The following NUBPL variants were observed in gnomAD, a reference collection of about 807,000 sequenced individuals.
NUBPL encodes the protein NUBP iron-sulfur cluster assembly factor, mitochondrial.
NUBPL carries 31 observed loss-of-function variants against 45.7 expected under a neutral mutation model. That is an observed-to-expected ratio of 0.68 (90% CI 0.51 to 0.92). The LOEUF (loss-of-function observed/expected upper bound fraction) is 0.92, where lower values mean the gene tolerates loss of function less well. Ranked by LOEUF, NUBPL falls within the 40% of genes least tolerant of loss-of-function variation. The probability of loss-of-function intolerance (pLI) is 0.00; values close to 1 mark genes in which losing one functional copy is unlikely to be tolerated. For missense variants in NUBPL, 401 were observed against 398.7 expected, an observed-to-expected ratio of 1.01 and a Z score of -0.05; for synonymous variants, 144 against 140.9, an observed-to-expected ratio of 1.02 and a Z score of -0.15.
rs540692734 is a variant in NUBPL at position 31,700,603 on chromosome 14, C to T, written c.513+27029C>T. On this transcript the variant is annotated intron_variant, in intron 6 of 10. Coordinates refer to ENST00000281081, the MANE Select transcript of NUBPL (RefSeq NM_025152.3). ...GGCCCTTGCAGGCCAGCGCGAGTTCCGGGTGGGCGCAGGCTCGGCGGGCCC... is the reference window on the plus strand; with the variant it reads ...GGCCCTTGCAGGCCAGCGCGAGTTCTGGGTGGGCGCAGGCTCGGCGGGCCC... Among the ~76,000 whole-genome samples, 193 of 152,212 alleles carry T rather than the reference C, an allele frequency of 1.3e-3. 1 individual carries two copies. Among genetic ancestry groups the T allele is most frequent in the South Asian group, 1.7e-3 (8 of 4,828 alleles).
chr14:31,642,442 C>A (rs1214746469), intron 4 of NUBPL, among the ~76,000 whole-genome samples: 1 of 152,076 alleles, frequency 6.6e-6, no homozygotes, highest in African/African-American at 2.4e-5. Flanking sequence ...AGGAGACTGT[C>A]CTTTCCACAG....
rs976814979 is a variant in NUBPL at position 31,762,441 on chromosome 14, T to G, written c.514-25339T>G. On this transcript the variant is annotated intron_variant, in intron 6 of 10. Transcript: ENST00000281081. ...TTTGATGGTCATCACTAGACAAATCTTCCTCTTATATGGAAATCATGCCTA... is the reference window on the plus strand; with the variant it reads ...TTTGATGGTCATCACTAGACAAATCGTCCTCTTATATGGAAATCATGCCTA... Among the ~76,000 whole-genome samples, 7 of 152,220 alleles carry G rather than the reference T, an allele frequency of 4.6e-5. 1 individual carries two copies. The highest frequency in any genetic ancestry group is 1.7e-4 in the African/African-American group (7 of 41,464).
chr14:31,638,125 G>T (rs1444891836), intron 4 of NUBPL, among the ~76,000 whole-genome samples: 1 of 151,566 alleles, frequency 6.6e-6, no homozygotes, highest in Non-Finnish European at 1.5e-5. Flanking sequence ...ATTTGATCCT[G>T]TCATTATGAT....
intron 2 of NUBPL, among the ~76,000 whole-genome samples, chr14:31,564,736 CAG>C (rs777639617): frequency 1.4e-4 from 21 of 152,122 alleles, no homozygotes; most frequent in Middle Eastern, 3.4e-3. Flanking sequence ...AAAATTGTAA[CAG>C]AAATGGATTT....
At chr14:31,799,789 G>T (rs1043795073) in intron 7 of NUBPL, among the ~76,000 whole-genome samples, 6 of 152,190 alleles carry the variant, frequency 3.9e-5, no homozygotes, top group African/African-American at 1.4e-4. Context: ...GGTGGCAGTT[G>T]CTGACGGTTG....
chr14:31,567,722 A>G (rs2033474643), intron 3 of NUBPL, among the ~76,000 whole-genome samples: 1 of 152,172 alleles, frequency 6.6e-6, no homozygotes, highest in Non-Finnish European at 1.5e-5. Flanking sequence ...TGTTTTTCTT[A>G]GTGACCTCTG....
intron 4 of NUBPL, among the ~76,000 whole-genome samples, chr14:31,636,390 C>T (rs1450132654): frequency 1.3e-5 from 2 of 152,138 alleles, no homozygotes; most frequent in Admixed American, 6.5e-5. Context: ...TGCTGGATTA[C>T]ATTTATTGAT....
intron 6 of NUBPL, among the ~76,000 whole-genome samples, chr14:31,724,444 G>C (rs902160004): frequency 8.0e-5 from 2 of 25,054 alleles, no homozygotes; most frequent in African/African-American, 3.1e-4. Context: ...TCTTTAGCAG[G>C]TTTTTAAAAA....
intron 8 of NUBPL, among the ~76,000 whole-genome samples, chr14:31,836,772 T>C (rs1043234789): frequency 6.6e-6 from 1 of 152,204 alleles, no homozygotes; most frequent in Non-Finnish European, 1.5e-5. Flanking sequence ...TTTGCATATG[T>C]TAATTAATGA....
chr14:31,687,415 T>A (rs1262374499), intron 6 of NUBPL, among the ~76,000 whole-genome samples: 1 of 152,232 alleles, frequency 6.6e-6, no homozygotes, highest in Admixed American at 6.5e-5. Flanking sequence ...AAGTTAAAAT[T>A]TATCAAAACT....
At chr14:31,687,790 T>G (rs4981880) in intron 6 of NUBPL, among the ~76,000 whole-genome samples, 85,535 of 152,156 alleles carry the variant, frequency 0.56, 26,749 homozygotes, top group African/African-American at 0.86. Context: ...ATGCTGGAAG[T>G]CTCTGAAGAA....
intron 4 of NUBPL, among the ~76,000 whole-genome samples, chr14:31,656,686 C>T (rs1335180189): frequency 6.6e-6 from 1 of 151,956 alleles, no homozygotes; most frequent in Non-Finnish European, 1.5e-5. Context: ...TTCATGGTGC[C>T]CCACAACAAT....
chr14:31,638,396 T>G (rs1055287114), intron 4 of NUBPL, among the ~76,000 whole-genome samples: 23 of 151,900 alleles, frequency 1.5e-4, no homozygotes, highest in Admixed American at 3.3e-4. Context: ...TTCTTTTCTT[T>G]AAGAATGTTG....
intron 4 of NUBPL, among the ~76,000 whole-genome samples, chr14:31,672,139 C>G (rs1260377242): frequency 6.6e-6 from 1 of 152,092 alleles, no homozygotes; most frequent in Non-Finnish European, 1.5e-5. Context: ...TTGCTTTTCT[C>G]TACAGATTAA....
chr14:31,831,294 C>G (rs2040186097), intron 8 of NUBPL, among the ~76,000 whole-genome samples: 2 of 152,052 alleles, frequency 1.3e-5, no homozygotes, highest in South Asian at 4.1e-4. Flanking sequence ...CCACCCGCCT[C>G]AGTCTCCCAA....
chr14:31,859,032 C>T, intron 10 of NUBPL, 86 bp from the exon 11 acceptor site: 2 of 1,117,982 alleles, frequency 1.8e-6, no homozygotes, highest in Non-Finnish European at 2.7e-6. Context: ...CTATCAAATA[C>T]AGTGGGCCTC....
intron 4 of NUBPL, among the ~76,000 whole-genome samples, chr14:31,647,062 T>C (rs1475750985): frequency 6.6e-6 from 1 of 152,254 alleles, no homozygotes; most frequent in Non-Finnish European, 1.5e-5. Context: ...TTATTTTTAA[T>C]ATTTCAGTCT....
intron 7 of NUBPL, among the ~76,000 whole-genome samples, chr14:31,812,925 G>A (rs752854420): frequency 3.3e-5 from 5 of 151,210 alleles, no homozygotes; most frequent in Non-Finnish European, 5.9e-5. Flanking sequence ...ATCCATGAAG[G>A]CCTCTTTTGT....
intron 6 of NUBPL, among the ~76,000 whole-genome samples, chr14:31,724,354 G>GT: frequency 6.6e-6 from 1 of 152,150 alleles, no homozygotes. Flanking sequence ...AGGAAAAACC[G>GT]TAAGTTCTAT....
Sources: allele counts gnomAD v4.1 joint callset (sites outside exome capture counted in the v4.1 genomes callset), GRCh38; gene constraint gnomAD v4.1.1; transcripts MANE v1.5; gene names NCBI Gene and HGNC (gene_info 2026-07-23, HGNC 2026-07-21).